The following PHF6 variants were observed in gnomAD, a reference collection of about 807,000 sequenced individuals.
PHF6 encodes PHD finger protein 6.
A neutral mutation model predicts 34.0 loss-of-function variants in PHF6; 7 were observed. The ratio of observed to expected loss-of-function variants is 0.21; its 90% CI spans 0.12 to 0.39. PHF6 has a LOEUF of 0.39. PHF6 is among the 10% of genes least tolerant of loss of function. PHF6 has a pLI of 1.00. For missense variants in PHF6, 128 were observed against 262.8 expected, an observed-to-expected ratio of 0.49 and a Z score of 3.55; for synonymous variants, 89 against 88.4, an observed-to-expected ratio of 1.01 and a Z score of -0.04.
intron 8 of PHF6, among the ~76,000 whole-genome samples, chrX:134,416,329 T>A (rs1156705807): frequency 3.2e-4 from 36 of 111,630 alleles, no homozygotes; most frequent in Non-Finnish European, 3.8e-5. Context: ...TTCAGAGCAG[T>A]GTTGTATAAT....
At chrX:134,382,890 C>T (rs1308350386) in intron 3 of PHF6, among the ~76,000 whole-genome samples, 2 of 110,274 alleles carry the variant, frequency 1.8e-5, no homozygotes, top group Non-Finnish European at 3.8e-5. Context: ...AGAAAGAGTT[C>T]AGAAGGCCAT....
intron 9 of PHF6, 81 bp from the exon 10 acceptor site, chrX:134,425,120 T>A (rs1291836563): frequency 2.8e-5 from 32 of 1,134,647 alleles, no homozygotes; most frequent in Non-Finnish European, 3.7e-5. Context: ...AAATGGGCAC[T>A]AGCCTCATCC....
At chrX:134,374,820 G>T (rs1270699636) in intron 1 of PHF6, among the ~76,000 whole-genome samples, 1 of 111,698 alleles carries the variant, frequency 9.0e-6, no homozygotes, top group South Asian at 3.6e-4. Flanking sequence ...TGTTATTGTT[G>T]CCTCTTTATT....
chrX:134,402,822 A>C (rs960445380), intron 5 of PHF6, among the ~76,000 whole-genome samples: 3 of 111,962 alleles, frequency 2.7e-5, no homozygotes, highest in African/African-American at 9.7e-5. Context: ...CAATATTTCA[A>C]ACCTTTTCAT....
chrX:134,422,028 A>G (rs1381887100), intron 9 of PHF6, among the ~76,000 whole-genome samples: 1 of 110,648 alleles, frequency 9.0e-6, no homozygotes, highest in Admixed American at 9.7e-5. Flanking sequence ...TCCCAGGCTC[A>G]TGTGATCCTC....
intron 3 of PHF6, among the ~76,000 whole-genome samples, chrX:134,391,596 A>AT (rs2077354836): frequency 9.0e-6 from 1 of 111,382 alleles, no homozygotes; most frequent in Middle Eastern, 4.6e-3. Flanking sequence ...AATTTAATAT[A>AT]TTTTTTTCAA....
At chrX:134,420,132 A>C (rs1475832143) in intron 9 of PHF6, 2 of 110,591 alleles carry the variant, frequency 1.8e-5, no homozygotes, top group Non-Finnish European at 3.8e-5. Context: ...TGGGCAACAT[A>C]GTGAGACCCT....
intron 5 of PHF6, among the ~76,000 whole-genome samples, chrX:134,411,630 C>G (rs1415529562): frequency 1.8e-5 from 2 of 111,038 alleles, no homozygotes; most frequent in Non-Finnish European, 3.8e-5. Flanking sequence ...TATGTGTATA[C>G]ATATGTATAA....
Position 134,413,516 on chromosome X carries a change from A to G in PHF6, c.444A>G (p.Glu148=). Residue 148 remains glutamate (E), a synonymous_variant, in exon 6 of 11, where the codon GAA becomes GAG. Transcript: ENST00000370803. Reference sequence around the variant, plus strand: ...CTGATTTAGAAGAAAGTTTTAATGAACATGAACTGGAGCCCTCATCACCTA... The same window carrying G: ...CTGATTTAGAAGAAAGTTTTAATGAGCATGAACTGGAGCCCTCATCACCTA... ...SEADLEESFN[E]HELEPSSPKS... is the part of the protein sequence containing the mutation. The G allele has an allele frequency of 8.3e-7, 1 of 1,211,037 alleles. No individual in the cohort carries two copies.
At chrX:134,410,058 G>A (rs1476178473) in intron 5 of PHF6, among the ~76,000 whole-genome samples, 1 of 111,991 alleles carries the variant, frequency 8.9e-6, no homozygotes, top group Non-Finnish European at 1.9e-5. Context: ...CACCTAGGGT[G>A]ATTCCTTGTC....
intron 1 of PHF6, among the ~76,000 whole-genome samples, chrX:134,375,197 T>G (rs893914422): frequency 8.9e-6 from 1 of 112,473 alleles, no homozygotes; most frequent in South Asian, 3.6e-4. Flanking sequence ...AAAATCCATT[T>G]AGTCATTGCA....
chrX:134,417,479 G>T, intron 9 of PHF6, 177 bp downstream of exon 9: 1 of 447,058 alleles, frequency 2.2e-6, no homozygotes. Flanking sequence ...ACATATCCCT[G>T]GATTAGCATT....
At chrX:134,406,824 G>A (rs376760263) in intron 5 of PHF6, among the ~76,000 whole-genome samples, 1 of 111,881 alleles carries the variant, frequency 8.9e-6, no homozygotes, top group Non-Finnish European at 1.9e-5. Flanking sequence ...TATTTATTTT[G>A]AATAGATACA....
chrX:134,401,076 G>A lies in PHF6; in HGVS notation c.418+7124G>A, dbSNP rs1265259782. Among the ~76,000 whole-genome samples, 3 of 111,575 alleles carry A rather than the reference G, an allele frequency of 2.7e-5. No individual in the cohort carries two copies. In the South Asian group the frequency reaches 1.1e-3, roughly 42 times the overall value. On this transcript the variant is annotated intron_variant, in intron 5 of 10. Transcript: ENST00000370803. ...TTGTGGTCCCAGAGTGTGACATAGGGATGTCAGAAATAGAACCATTTTATG... is the reference window on the plus strand; with the variant it reads ...TTGTGGTCCCAGAGTGTGACATAGGAATGTCAGAAATAGAACCATTTTATG...
At chrX:134,424,374 A>G (rs929160008) in intron 9 of PHF6, among the ~76,000 whole-genome samples, 2 of 111,697 alleles carry the variant, frequency 1.8e-5, no homozygotes, top group African/African-American at 6.5e-5. Flanking sequence ...ACATAGTGTC[A>G]CCCAGTAGCA....
intron 3 of PHF6, among the ~76,000 whole-genome samples, chrX:134,390,717 A>G (rs191789268): frequency 7.6e-4 from 85 of 111,600 alleles, no homozygotes; most frequent in African/African-American, 2.7e-3. Flanking sequence ...TATGAAGAAA[A>G]CCAGCCACCC....
rs776414227 is a variant in PHF6 at position 134,384,744 on chromosome X, T to C, written c.240+6638T>C. Among the ~76,000 whole-genome samples, 13 of 109,850 alleles carry C rather than the reference T, an allele frequency of 1.2e-4. No individual in the cohort carries two copies. The South Asian group carries it at 3.2e-3, about 27-fold the overall frequency. On this transcript the variant is annotated intron_variant, in intron 3 of 10. Coordinates refer to ENST00000370803, the MANE Select transcript of PHF6 (RefSeq NM_001015877.2). ...TCGGCTCACTTCAAGCTCTGCCTCC[T>C]GGGTTCACACCATTCTCCTGCCTCA... is the stretch of plus-strand genomic sequence containing the variant.
chrX:134,424,085 A>G (rs2077500426), intron 9 of PHF6, among the ~76,000 whole-genome samples: 1 of 109,463 alleles, frequency 9.1e-6, no homozygotes, highest in African/African-American at 3.3e-5. Flanking sequence ...CGTTGTGCAC[A>G]TGTACCCTAG....
intron 10 of PHF6, 157 bp downstream of exon 10, chrX:134,425,487 G>A (rs902214889): frequency 1.6e-6 from 1 of 628,226 alleles, no homozygotes; most frequent in Non-Finnish European, 2.4e-6. Flanking sequence ...GGCTTGCATA[G>A]TAGTTGTTTT....
Sources: gnomAD v4.1 joint callset for allele counts (sites outside exome capture counted in the v4.1 genomes callset) on GRCh38, gnomAD v4.1.1 for gene constraint, MANE v1.5 for transcripts, NCBI Gene and HGNC (gene_info 2026-07-23, HGNC 2026-07-21) for gene names.